The following SDK1 variants were observed in gnomAD, a reference collection of about 807,000 sequenced individuals.
The protein encoded by SDK1 is sidekick cell adhesion molecule 1, also known as protein sidekick-1.
In SDK1, 157 loss-of-function variants were observed where a neutral mutation model predicts 245.5. The observed-to-expected ratio is 0.64, with a 90% confidence interval of 0.56 to 0.73. The LOEUF (loss-of-function observed/expected upper bound fraction) is 0.73, where lower values mean the gene tolerates loss of function less well. Ranked by LOEUF, SDK1 falls within the 30% of genes least tolerant of loss-of-function variation. The pLI is 0.00. For missense variants in SDK1, 3,583 were observed against 3,002.3 expected (o/e 1.19, Z -4.52); for synonymous variants, 1,647 against 1,278.5 (o/e 1.29, Z -6.15).
chr7:3,887,615 T>A (rs1377399504), intron 5 of SDK1, among the ~76,000 whole-genome samples: 1 of 152,238 alleles, frequency 6.6e-6, no homozygotes, highest in Admixed American at 6.5e-5. Context: ...TGTTTGGTTA[T>A]TTAACAAAAC....
intron 35 of SDK1, among the ~76,000 whole-genome samples, chr7:4,193,932 AC>A (rs1333745734): frequency 6.6e-6 from 1 of 152,176 alleles, no homozygotes; most frequent in Non-Finnish European, 1.5e-5. Context: ...CTTGCCTCTC[AC>A]GAGCGGTGAA....
intron 30 of SDK1, among the ~76,000 whole-genome samples, chr7:4,149,966 A>G (rs1473607154): frequency 6.6e-6 from 1 of 151,742 alleles, no homozygotes; most frequent in Non-Finnish European, 1.5e-5. Context: ...CATGCCTAGG[A>G]CACGACTAGA....
intron 1 of SDK1, among the ~76,000 whole-genome samples, chr7:3,553,354 C>G (rs1779475667): frequency 6.6e-6 from 1 of 152,098 alleles, no homozygotes; most frequent in African/African-American, 2.4e-5. Context: ...TGGCACAGAC[C>G]TGTTTCTCCC....
chr7:4,192,605 C>T (rs139389297), intron 35 of SDK1, among the ~76,000 whole-genome samples: 197 of 152,252 alleles, frequency 1.3e-3, no homozygotes, highest in African/African-American at 4.6e-3. Context: ...AAGTATGTTC[C>T]GTGTTTTTTC....
At chr7:3,308,259 A>T (rs1460121787) in intron 1 of SDK1, among the ~76,000 whole-genome samples, 1 of 152,170 alleles carries the variant, frequency 6.6e-6, no homozygotes, top group Non-Finnish European at 1.5e-5. Flanking sequence ...TAATTAATGC[A>T]GTGAGAAACT....
At chr7:3,563,461 T>C (rs1779812912) in intron 1 of SDK1, among the ~76,000 whole-genome samples, 1 of 152,072 alleles carries the variant, frequency 6.6e-6, no homozygotes, top group Non-Finnish European at 1.5e-5. Context: ...AAATATATTA[T>C]TAAAGATGAA....
chr7:4,037,498 T>C (rs1213273043), intron 17 of SDK1, among the ~76,000 whole-genome samples: 1 of 152,114 alleles, frequency 6.6e-6, no homozygotes, highest in East Asian at 1.9e-4. Context: ...TCATCTGTAA[T>C]TGCAGCTACT....
At chr7:3,688,226 CA>C (rs1273960172) in intron 4 of SDK1, among the ~76,000 whole-genome samples, 1 of 152,166 alleles carries the variant, frequency 6.6e-6, no homozygotes, top group Non-Finnish European at 1.5e-5. Context: ...AGGAGTGTTA[CA>C]AGCCTGTCTG....
rs1281923515 is a variant in SDK1, at chr7:3,465,926, T to G, written c.299-153154T>G. On this transcript the variant is annotated intron_variant, in intron 1 of 44. Transcript: ENST00000404826. ...GTTCACACATGGTCCAAGTTGTCTG[T>G]GAATAAAAAGTGTTGCTGTAATTTT... is the stretch of plus-strand genomic sequence containing the variant. Among the ~76,000 whole-genome samples, 3 of 152,164 alleles carry G rather than the reference T, an allele frequency of 2.0e-5. No individual in the cohort carries two copies. The South Asian group carries it at 6.2e-4, about 32-fold the overall frequency.
intron 1 of SDK1, among the ~76,000 whole-genome samples, chr7:3,391,093 T>G (rs1324289369): frequency 6.6e-6 from 1 of 152,124 alleles, no homozygotes. Flanking sequence ...ACATTTAGAA[T>G]AGAATATAAA....
At chr7:3,671,139 A>G (rs1385905188) in intron 4 of SDK1, among the ~76,000 whole-genome samples, 1 of 152,186 alleles carries the variant, frequency 6.6e-6, no homozygotes, top group Non-Finnish European at 1.5e-5. Context: ...GTCTTATCCA[A>G]GTCATTACTC....
At chr7:3,661,278 C>G (rs1033533742) in intron 4 of SDK1, among the ~76,000 whole-genome samples, 6 of 152,180 alleles carry the variant, frequency 3.9e-5, no homozygotes, top group African/African-American at 1.2e-4. Context: ...TGGTTTGAAT[C>G]TGCTATGTAT....
At chr7:3,885,903 T>C (rs7804166) in intron 5 of SDK1, among the ~76,000 whole-genome samples, 37,822 of 152,174 alleles carry the variant, frequency 0.25, 4,966 homozygotes, top group Middle Eastern at 0.35. Flanking sequence ...GCTGTTGTTT[T>C]GTTGCGAATT....
At chr7:3,676,508 G>T (rs570452550) in intron 4 of SDK1, among the ~76,000 whole-genome samples, 3 of 152,010 alleles carry the variant, frequency 2.0e-5, no homozygotes, top group Admixed American at 2.0e-4. Flanking sequence ...TATATTGTTA[G>T]TAGAGACGGG....
At chr7:3,652,651 C>G (rs1783046401) in intron 4 of SDK1, among the ~76,000 whole-genome samples, 1 of 152,162 alleles carries the variant, frequency 6.6e-6, no homozygotes, top group Non-Finnish European at 1.5e-5. Flanking sequence ...CAGAAGCGAA[C>G]TAGGGAAACA....
At chr7:4,204,397 T>A (rs1784073765) in intron 35 of SDK1, among the ~76,000 whole-genome samples, 1 of 152,190 alleles carries the variant, frequency 6.6e-6, no homozygotes, top group South Asian at 2.1e-4. Context: ...GCTATTAACA[T>A]TTCCATTAAC....
intron 44 of SDK1, among the ~76,000 whole-genome samples, chr7:4,257,126 C>G (rs910610360): frequency 2.8e-4 from 42 of 152,200 alleles, no homozygotes; most frequent in African/African-American, 9.4e-4. Context: ...TCCAAAGAAA[C>G]TGTTTTCAAA....
At chr7:3,531,731 G>A (rs1461404995) in intron 1 of SDK1, among the ~76,000 whole-genome samples, 2 of 152,118 alleles carry the variant, frequency 1.3e-5, no homozygotes, top group African/African-American at 2.4e-5. Flanking sequence ...ACATGGGAGA[G>A]TTTATTCTTA....
chr7:4,263,464 G>C (rs541156564), intron 44 of SDK1, among the ~76,000 whole-genome samples: 2 of 149,258 alleles, frequency 1.3e-5, no homozygotes, highest in South Asian at 4.3e-4. Context: ...GACCTCTCTT[G>C]AGTGAGGGAG....
Sources: gnomAD v4.1 joint callset for allele counts (sites outside exome capture counted in the v4.1 genomes callset) on GRCh38, gnomAD v4.1.1 for gene constraint, MANE v1.5 for transcripts, NCBI Gene and HGNC (gene_info 2026-07-23, HGNC 2026-07-21) for gene names.